The following ATP8B1 variants were observed in gnomAD, a reference collection of about 807,000 sequenced individuals.
The protein encoded by ATP8B1 is ATPase phospholipid transporting 8B1.
ATP8B1 carries 80 observed loss-of-function variants against 149.9 expected under a neutral mutation model. The ratio of observed to expected loss-of-function variants is 0.53; its 90% CI spans 0.45 to 0.64. The LOEUF is 0.64. Among genes scored for constraint, ATP8B1 ranks in the 30% least tolerant of loss-of-function variants. ATP8B1 has a pLI of 0.00. For missense variants in ATP8B1, 1,247 were observed against 1,552.6 expected, an observed-to-expected ratio of 0.80 and a Z score of 3.31; for synonymous variants, 536 against 562.8, an observed-to-expected ratio of 0.95 and a Z score of 0.67.
intron 1 of ATP8B1, among the ~76,000 whole-genome samples, chr18:57,773,201 T>TAAAAA (rs34028925): frequency 3.6e-5 from 5 of 139,440 alleles, no homozygotes; most frequent in Admixed American, 1.5e-4. Context: ...GACTCTGTCT[T>TAAAAA]AAAAAAAAAA....
At chr18:57,679,934 G>A (rs1911844075) in intron 15 of ATP8B1, among the ~76,000 whole-genome samples, 1 of 151,824 alleles carries the variant, frequency 6.6e-6, no homozygotes, top group African/African-American at 2.4e-5. Context: ...CAAAGTGCTG[G>A]GATTACAGGC....
chr18:57,730,189 A>T (rs988234476), intron 2 of ATP8B1, among the ~76,000 whole-genome samples: 2 of 150,316 alleles, frequency 1.3e-5, no homozygotes, highest in Non-Finnish European at 3.0e-5. Flanking sequence ...AAATTATTAG[A>T]AAAAAATAGC....
At chr18:57,711,259 C>A (rs897359240) in intron 2 of ATP8B1, among the ~76,000 whole-genome samples, 4 of 152,146 alleles carry the variant, frequency 2.6e-5, no homozygotes, top group East Asian at 1.9e-4. Context: ...AACCCAAATG[C>A]CTACTGGGAA....
At chr18:57,702,857 CAA>C (rs34058171) in intron 4 of ATP8B1, among the ~76,000 whole-genome samples, 10,759 of 125,024 alleles carry the variant, frequency 0.086, 540 homozygotes, top group Middle Eastern at 0.2. Context: ...AACTCCATCT[CAA>C]AAAAAAAAAA....
intron 1 of ATP8B1, among the ~76,000 whole-genome samples, chr18:57,779,296 CAG>C (rs1465935222): frequency 2.1e-4 from 31 of 150,028 alleles, no homozygotes; most frequent in African/African-American, 6.6e-4. Context: ...GCCTGGGCGA[CAG>C]AGTGATACCC....
At chr18:57,654,234 T>TGGCCTTAAGCGATCTCCC (rs1909836180) in intron 23 of ATP8B1, among the ~76,000 whole-genome samples, 159 bp from the exon 24 acceptor site, 1 of 152,176 alleles carries the variant, frequency 6.6e-6, no homozygotes, top group African/African-American at 2.4e-5. Flanking sequence ...CTCGAACTCC[T>TGGCCTTAAGCGATCTCCC]GGCCTTAAGC....
At chr18:57,701,357 TC>T in intron 4 of ATP8B1, 44 bp from the exon 5 acceptor site, 3 of 1,540,526 alleles carry the variant, frequency 1.9e-6, no homozygotes, top group Non-Finnish European at 2.7e-6. Context: ...TGAAGGCATA[TC>T]AAGCTTACAG....
In ATP8B1 at chr18:57,707,892, C is replaced by T. The variant is rs552935272; in HGVS notation, c.182-1305G>A. ...CAAGTGTAGGCCGAGCATGGTGGCT[C>T]ATGCCTGTAATCCTAGCACTTTGGG... On this transcript the variant is annotated intron_variant, in intron 2 of 27. Transcript: ENST00000648908. Among the ~76,000 whole-genome samples the T allele has an allele frequency of 1.1e-4, 16 of 151,746 alleles. 1 individual carries two copies. Among genetic ancestry groups the T allele is most frequent in the East Asian group, 9.8e-4 (5 of 5,116 alleles).
chr18:57,771,810 C>G (rs1013801128), intron 1 of ATP8B1, among the ~76,000 whole-genome samples: 9 of 152,044 alleles, frequency 5.9e-5, no homozygotes, highest in Non-Finnish European at 1.0e-4. Context: ...TCAGAACAAC[C>G]AGAAAAACCA....
chr18:57,751,760 C>T (rs2080022439), intron 1 of ATP8B1, among the ~76,000 whole-genome samples: 1 of 152,220 alleles, frequency 6.6e-6, no homozygotes, highest in African/African-American at 2.4e-5. Flanking sequence ...CAAGTACACT[C>T]ACAAGGGCAG....
chr18:57,757,446 C>T (rs1460807838), intron 1 of ATP8B1, among the ~76,000 whole-genome samples: 1 of 152,100 alleles, frequency 6.6e-6, no homozygotes, highest in Admixed American at 6.6e-5. Flanking sequence ...TTGTTACTAG[C>T]GGGGTGACTT....
At chr18:57,696,308 C>G (rs2122900200) in intron 8 of ATP8B1, among the ~76,000 whole-genome samples, 1 of 152,276 alleles carries the variant, frequency 6.6e-6, no homozygotes, top group South Asian at 2.1e-4. Flanking sequence ...AATGGCAGCA[C>G]TTTGGGAGGC....
chr18:57,729,739 C>G (rs1788945), intron 2 of ATP8B1, among the ~76,000 whole-genome samples: 148,969 of 151,474 alleles, frequency 0.98, 73,301 homozygotes, highest in East Asian at 1. Context: ...TTAGTAGAGA[C>G]GGGGTTTCAC....
At chr18:57,686,738 G>A (rs1374094265) in intron 13 of ATP8B1, among the ~76,000 whole-genome samples, 1 of 151,960 alleles carries the variant, frequency 6.6e-6, no homozygotes, top group East Asian at 1.9e-4. Context: ...GTTTTGTCAT[G>A]TTGCCCAGGC....
intron 21 of ATP8B1, 22 bp from the exon 22 acceptor site, chr18:57,661,484 A>T (rs1350035147): frequency 1.2e-6 from 2 of 1,612,042 alleles, no homozygotes; most frequent in Non-Finnish European, 8.5e-7. Flanking sequence ...GAGAGGGAAA[A>T]GGTTACATTC....
intron 8 of ATP8B1, among the ~76,000 whole-genome samples, chr18:57,696,564 T>C (rs925868207): frequency 8.6e-6 from 1 of 115,918 alleles, no homozygotes; most frequent in Non-Finnish European, 1.8e-5. Flanking sequence ...AAAAAAAAAG[T>C]GTGATAGATT....
chr18:57,675,072 G>C (rs757164016), intron 15 of ATP8B1, 50 bp from the exon 16 acceptor site: 1 of 1,592,446 alleles, frequency 6.3e-7, no homozygotes, highest in East Asian at 2.2e-5. Flanking sequence ...AACAAATGCA[G>C]AGCTCATTGT....
chr18:57,666,782 C>T lies in ATP8B1; in HGVS notation c.2285+310G>A, dbSNP rs752403890. On this transcript the variant is annotated intron_variant, in intron 20 of 27. Coordinates refer to ENST00000648908, the MANE Select transcript of ATP8B1 (RefSeq NM_001374385.1). ...AACTCCTGACTTCAGGTGATCCACC[C>T]GCCTCGGCCTCCCAAAGGGCTGGGA... 5.9e-5 allele frequency among the ~76,000 whole-genome samples: 9 copies of T among 152,106 alleles called. No individual in the cohort carries two copies. In the East Asian group the frequency reaches 7.7e-4, roughly 13 times the overall value.
chr18:57,680,166 A>C (rs1911860632), intron 15 of ATP8B1, among the ~76,000 whole-genome samples: 1 of 149,650 alleles, frequency 6.7e-6, no homozygotes, highest in African/African-American at 2.5e-5. Flanking sequence ...AATCCCAGCT[A>C]CTCGGGAGGC....
Sources: allele counts gnomAD v4.1 joint callset (sites outside exome capture counted in the v4.1 genomes callset), GRCh38; gene constraint gnomAD v4.1.1; transcripts MANE v1.5; gene names NCBI Gene and HGNC (gene_info 2026-07-23, HGNC 2026-07-21).